Variants in ACTR2 observed in about 807,000 individuals in gnomAD.
ACTR2 encodes actin related protein 2.
Under a neutral mutation model 50.2 loss-of-function variants are expected in ACTR2, and 5 were observed. The ratio of observed to expected loss-of-function variants is 0.10; its 90% confidence interval spans 0.05 to 0.21. The LOEUF (loss-of-function observed/expected upper bound fraction) is 0.21. ACTR2 is among the 10% of genes least tolerant of loss of function. ACTR2 has a pLI of 1.00. For missense variants in ACTR2, 180 were observed against 480.6 expected (o/e 0.37, Z 5.85); for synonymous variants, 140 against 162.9 (o/e 0.86, Z 1.07).
chr2:65,233,119 C>T lies in ACTR2; in HGVS notation c.48+5162C>T, dbSNP rs145164901. On this transcript the variant is annotated intron_variant, in intron 1 of 8. Transcript: ENST00000260641. Reference sequence around the variant, plus strand: ...AAGCAATTCTCCTGCCTCAGCCTCCCCAGTAGCTGGGATCACAGGTGTGCA... The same window carrying T: ...AAGCAATTCTCCTGCCTCAGCCTCCTCAGTAGCTGGGATCACAGGTGTGCA... 8.0e-3 allele frequency among the ~76,000 whole-genome samples: 1,210 copies of T among 151,986 alleles called. 18 individuals are homozygous for T. Among genetic ancestry groups the T allele is most frequent in the African/African-American group, 0.024 (992 of 41,460 alleles).
chr2:65,251,122 A>T (rs199823898), intron 4 of ACTR2, 23 bp downstream of exon 4: 8 of 1,523,170 alleles, frequency 5.3e-6, no homozygotes, highest in Admixed American at 3.8e-5. Context: ...TAACTGTTAG[A>T]AAAAACACTT....
chr2:65,252,436 C>G (rs866245802), intron 4 of ACTR2, among the ~76,000 whole-genome samples: 1 of 150,086 alleles, frequency 6.7e-6, no homozygotes. Flanking sequence ...GTCAGGAGAT[C>G]GAGACCATCC....
rs1475367596 is a variant in ACTR2, at chr2:65,271,238, A to AT, written c.*2510dup. The AT allele has an allele frequency of 6.6e-6, 1 of 152,146 alleles. No homozygotes were observed. The highest frequency in any genetic ancestry group is 1.5e-5 in the Non-Finnish European group (1 of 68,012). The allele number at this position is 152,146 out of a possible 1,614,324, so 9.4% of individuals were successfully genotyped here. A position where few individuals can be genotyped will look rare whatever the true frequency, so the allele number is the denominator to read the frequency against. Reference sequence around the variant, plus strand: ...ATTTTGATTGAGAAAATAAAATCAGATTTTTTCAAAGTCAATTTGAATTTT... The same window carrying AT: ...ATTTTGATTGAGAAAATAAAATCAGATTTTTTTCAAAGTCAATTTGAATTTT... On this transcript the variant is annotated 3_prime_UTR_variant, in exon 9 of 9. Transcript: ENST00000260641.
intron 6 of ACTR2, among the ~76,000 whole-genome samples, chr2:65,259,509 A>G (rs914977552): frequency 1.3e-5 from 2 of 152,092 alleles, no homozygotes; most frequent in African/African-American, 4.8e-5. Flanking sequence ...CAGGCAGATC[A>G]CTTGAGGCCA....
intron 3 of ACTR2, among the ~76,000 whole-genome samples, chr2:65,250,534 A>T (rs1479468142): frequency 7.2e-6 from 1 of 138,604 alleles, no homozygotes; most frequent in South Asian, 2.4e-4. Flanking sequence ...TTAGCCAGGC[A>T]TGGTGGTGCA....
At chr2:65,248,935 C>T (rs1228353061) in intron 3 of ACTR2, among the ~76,000 whole-genome samples, 5 of 152,150 alleles carry the variant, frequency 3.3e-5, no homozygotes, top group Non-Finnish European at 7.4e-5. Context: ...ATTGCTTGAA[C>T]CCAGGAGGTG....
intron 1 of ACTR2, among the ~76,000 whole-genome samples, chr2:65,230,690 C>G (rs1188346008): frequency 6.6e-6 from 1 of 152,012 alleles, no homozygotes; most frequent in African/African-American, 2.4e-5. Context: ...GGATTACAGG[C>G]TTGAGCCACT....
intron 6 of ACTR2, 22 bp downstream of exon 6, chr2:65,255,716 T>C: frequency 6.3e-6 from 10 of 1,585,526 alleles, no homozygotes; most frequent in South Asian, 1.1e-5. Flanking sequence ...CAGTGTATAA[T>C]ATATATGTGT....
chr2:65,260,976 C>T (rs1672258386), intron 6 of ACTR2, among the ~76,000 whole-genome samples: 1 of 152,038 alleles, frequency 6.6e-6, no homozygotes, highest in Non-Finnish European at 1.5e-5. Context: ...GTGATCCGCC[C>T]AGCTCAGCCT....
Position 65,270,874 on chromosome 2 carries a change from T to C in ACTR2, c.*2140T>C, listed in dbSNP as rs796751763. The C allele has an allele frequency of 2.6e-5, 4 of 152,086 alleles. No individual in the cohort carries two copies. The South Asian group carries it at 8.3e-4, about 32-fold the overall frequency. 9.4% of individuals were successfully genotyped at this position (152,086 alleles called of 1,614,324 possible). ...ATTTGGGTGGAGTATTATGTTTAAC[T>C]GGAGTTGTCAAGTATGAGTCCCTCA... On this transcript the variant is annotated 3_prime_UTR_variant, in exon 9 of 9. Transcript: ENST00000260641.
intron 7 of ACTR2, among the ~76,000 whole-genome samples, chr2:65,263,825 G>A: frequency 6.6e-6 from 1 of 152,080 alleles, no homozygotes; most frequent in East Asian, 1.9e-4. Flanking sequence ...GAATCACGAG[G>A]CCGGCGAATC....
intron 1 of ACTR2, among the ~76,000 whole-genome samples, chr2:65,228,940 C>T (rs1203065828): frequency 1.3e-5 from 2 of 152,062 alleles, no homozygotes; most frequent in Non-Finnish European, 2.9e-5. Context: ...ATTAGCCGGC[C>T]GTGGTGGTGC....
intron 6 of ACTR2, among the ~76,000 whole-genome samples, chr2:65,259,128 C>T (rs1672212534): frequency 6.6e-6 from 1 of 151,908 alleles, no homozygotes; most frequent in Non-Finnish European, 1.5e-5. Context: ...GGAATCTAAA[C>T]AATCATTGTA....
intron 5 of ACTR2, 78 bp downstream of exon 5, chr2:65,253,942 T>A: frequency 7.8e-7 from 1 of 1,285,354 alleles, no homozygotes; most frequent in Non-Finnish European, 1.1e-6. Flanking sequence ...AATCTATCGT[T>A]TTAGGATTCC....
Position 65,259,631 on chromosome 2 carries a change from A to C in ACTR2, c.736-1616A>C, listed in dbSNP as rs372819001. On this transcript the variant is annotated intron_variant, in intron 6 of 8. Coordinates refer to ENST00000260641, the MANE Select transcript of ACTR2 (RefSeq NM_005722.4). ...GTAATCTCAGCTACTTGGGGGGCTG[A>C]GGTATGAGAATCATTTGAACCCAGT... Among the ~76,000 whole-genome samples, 4 of 152,244 alleles carry C rather than the reference A, an allele frequency of 2.6e-5. No individual in the cohort carries two copies. In the East Asian group the frequency reaches 5.8e-4, roughly 22 times the overall value.
chr2:65,251,194 C>A, intron 4 of ACTR2, 95 bp downstream of exon 4: 2 of 710,898 alleles, frequency 2.8e-6, no homozygotes, highest in Non-Finnish European at 2.3e-6. Flanking sequence ...AAGTTATAAG[C>A]CCCAGAAAAC....
At chr2:65,265,606 C>T (rs1003473560) in intron 8 of ACTR2, among the ~76,000 whole-genome samples, 1 of 152,206 alleles carries the variant, frequency 6.6e-6, no homozygotes, top group African/African-American at 2.4e-5. Context: ...TCTTCTCAGT[C>T]AGATTGAAAA....
chr2:65,255,996 G>A (rs1383342565), intron 6 of ACTR2, among the ~76,000 whole-genome samples: 1 of 152,174 alleles, frequency 6.6e-6, no homozygotes, highest in African/African-American at 2.4e-5. Context: ...ATGTTTTACA[G>A]AACTTTATTT....
chr2:65,242,745 TAA>T, intron 2 of ACTR2: 2 of 414,242 alleles, frequency 4.8e-6, no homozygotes, highest in Non-Finnish European at 9.6e-6. Context: ...CTCAGACATT[TAA>T]CTCTTCATTG....
Sources: gnomAD v4.1 joint callset for allele counts (sites outside exome capture counted in the v4.1 genomes callset) on GRCh38, gnomAD v4.1.1 for gene constraint, MANE v1.5 for transcripts, NCBI Gene and HGNC (gene_info 2026-07-23, HGNC 2026-07-21) for gene names.